The following SLC8A1 variants were observed in gnomAD, a reference collection of about 807,000 sequenced individuals.
The protein encoded by SLC8A1 is solute carrier family 8 member A1.
In SLC8A1, 18 loss-of-function variants were observed where a neutral mutation model predicts 68.3. That is an observed-to-expected ratio of 0.26 (90% CI 0.18 to 0.39). The LOEUF (loss-of-function observed/expected upper bound fraction) is 0.39. Ranked by LOEUF, SLC8A1 falls within the 10% of genes least tolerant of loss-of-function variation. The pLI, the probability that SLC8A1 is intolerant of heterozygous loss-of-function variation, is 1.00. For missense variants in SLC8A1, 985 were observed against 1,156.7 expected (o/e 0.85, Z 2.15); for synonymous variants, 475 against 415.5 (o/e 1.14, Z -1.74).
At chr2:40,225,310 G>A (rs1268592707) in intron 2 of SLC8A1, among the ~76,000 whole-genome samples, 1 of 152,106 alleles carries the variant, frequency 6.6e-6, no homozygotes, top group Non-Finnish European at 1.5e-5. Flanking sequence ...ATGATAAACA[G>A]TATCTCAAAT....
intron 2 of SLC8A1, among the ~76,000 whole-genome samples, chr2:40,322,116 T>G (rs1442927110): frequency 6.6e-6 from 1 of 152,118 alleles, no homozygotes; most frequent in African/African-American, 2.4e-5. Context: ...CATATTATAC[T>G]GCACTGGATG....
At chr2:40,272,087 C>T (rs183508756) in intron 2 of SLC8A1, among the ~76,000 whole-genome samples, 5 of 152,028 alleles carry the variant, frequency 3.3e-5, no homozygotes, top group Admixed American at 1.3e-4. Flanking sequence ...CTGGCTGGCC[C>T]GGAACGCCTG....
At chr2:40,343,372 T>C (rs1297383700) in intron 2 of SLC8A1, among the ~76,000 whole-genome samples, 2 of 152,198 alleles carry the variant, frequency 1.3e-5, no homozygotes, top group Non-Finnish European at 2.9e-5. Context: ...TGGGAACTTC[T>C]GGATTAATCA....
chr2:40,289,339 A>G (rs2068879162), intron 2 of SLC8A1, among the ~76,000 whole-genome samples: 1 of 152,080 alleles, frequency 6.6e-6, no homozygotes, highest in African/African-American at 2.4e-5. Context: ...ATGCAAAGGG[A>G]AAAAATCCAA....
intron 2 of SLC8A1, among the ~76,000 whole-genome samples, chr2:40,308,506 G>A (rs575509020): frequency 1.3e-5 from 2 of 152,224 alleles, no homozygotes; most frequent in Non-Finnish European, 2.9e-5. Context: ...TTTCTGCTAG[G>A]CAGTAAATGA....
intron 7 of SLC8A1, among the ~76,000 whole-genome samples, chr2:40,126,678 A>G (rs143225768): frequency 6.2e-4 from 95 of 152,302 alleles, no homozygotes; most frequent in African/African-American, 2.1e-3. Flanking sequence ...AGAGATTAGT[A>G]GTGTACAAAG....
chr2:40,305,193 G>A (rs1346313264), intron 2 of SLC8A1, among the ~76,000 whole-genome samples: 1 of 152,134 alleles, frequency 6.6e-6, no homozygotes, highest in Non-Finnish European at 1.5e-5. Context: ...CCACCACTTG[G>A]GAAGCCCCTT....
At chr2:40,107,403 T>C (rs2034283609) in exon 8 of SLC8A1, 1 of 151,952 alleles carries the variant, frequency 6.6e-6, no homozygotes, top group South Asian at 2.1e-4. Flanking sequence ...GGTTCGACCT[T>C]GACCAGCATA....
chr2:40,471,873 C>G (rs1049072494), intron 1 of SLC8A1, among the ~76,000 whole-genome samples: 1 of 152,152 alleles, frequency 6.6e-6, no homozygotes, highest in South Asian at 2.1e-4. Flanking sequence ...ATCATGCTGG[C>G]AAATCTTAAA....
At chr2:40,144,877 G>A (rs1486142709) in intron 6 of SLC8A1, among the ~76,000 whole-genome samples, 1 of 152,028 alleles carries the variant, frequency 6.6e-6, no homozygotes, top group Non-Finnish European at 1.5e-5. Context: ...ATTATTATAG[G>A]GAGGCAAATT....
intron 2 of SLC8A1, among the ~76,000 whole-genome samples, chr2:40,304,689 G>A (rs2072232641): frequency 6.6e-6 from 1 of 152,160 alleles, no homozygotes; most frequent in Non-Finnish European, 1.5e-5. Flanking sequence ...TGCCTCATGT[G>A]CTGCCGTGTC....
At chr2:40,103,216 C>G (rs2034002723) in exon 8 of SLC8A1, 1 of 152,170 alleles carries the variant, frequency 6.6e-6, no homozygotes, top group Non-Finnish European at 1.5e-5. Context: ...TTTATGCAAG[C>G]AGAGTTCACT....
chr2:40,439,520 G>T (rs963331844), intron 1 of SLC8A1, among the ~76,000 whole-genome samples: 2 of 152,098 alleles, frequency 1.3e-5, no homozygotes, highest in Non-Finnish European at 2.9e-5. Context: ...TGGAACTGGG[G>T]ATGTTTAATA....
rs114714803 is a variant in SLC8A1 at position 40,117,243 on chromosome 2, C to T, written c.2438-1614G>A. The stretch of plus-strand genomic sequence containing the variant: ...TACTAAATTTCTTGTCCACATTATG[C>T]CTACTTACATCAAAGTCCTGGCTGG... On this transcript the variant is annotated intron_variant, in intron 7 of 7. Coordinates refer to ENST00000406785, the Ensembl canonical transcript of SLC8A1. 7.4e-3 allele frequency among the ~76,000 whole-genome samples: 1,129 copies of T among 151,818 alleles called. 8 individuals are homozygous for T. The highest frequency in any genetic ancestry group is 0.025 in the African/African-American group (1,051 of 41,388).
rs750359451 is a variant in SLC8A1, at chr2:40,170,271, A to C, written c.1930+4554T>G. 1.2e-6 allele frequency: 2 copies of C among 1,612,654 alleles called. No individual in the cohort carries two copies. The highest frequency in any genetic ancestry group is 2.7e-5 in the African/African-American group (2 of 74,904). On this transcript the variant is annotated intron_variant, in intron 4 of 7. Transcript: ENST00000406785. ...GCTGTGGTTTTCAAGGATCATGATG[A>C]AATGAGTACCTGCAATGGTGATTAC...
intron 3 of SLC8A1, 132 bp downstream of exon 4, chr2:40,175,129 G>A (rs1177098598): frequency 5.5e-6 from 5 of 904,648 alleles, no homozygotes; most frequent in African/African-American, 3.4e-5. Context: ...ACAAAATGAG[G>A]TCAATGGCCC....
intron 2 of SLC8A1, among the ~76,000 whole-genome samples, chr2:40,248,394 A>G (rs1349634168): frequency 2.0e-5 from 3 of 152,110 alleles, no homozygotes; most frequent in African/African-American, 7.2e-5. Context: ...TAGTGCCCTT[A>G]TAAAAGAGGC....
chr2:40,324,028 T>TG (rs376852753), intron 2 of SLC8A1, among the ~76,000 whole-genome samples: 2,270 of 134,996 alleles, frequency 0.017, 21 homozygotes, highest in African/African-American at 0.035. Context: ...AAGTTAAAGG[T>TG]GGGGGGGGGG....
At chr2:40,141,618 T>C (rs1445599463) in intron 6 of SLC8A1, among the ~76,000 whole-genome samples, 1 of 152,168 alleles carries the variant, frequency 6.6e-6, no homozygotes, top group Non-Finnish European at 1.5e-5. Flanking sequence ...GTTCATGCAG[T>C]ATTTATTATA....
Sources: allele counts gnomAD v4.1 joint callset (sites outside exome capture counted in the v4.1 genomes callset), GRCh38; gene constraint gnomAD v4.1.1; transcripts MANE v1.5; gene names NCBI Gene and HGNC (gene_info 2026-07-23, HGNC 2026-07-21).